The following CLCN2 variants were observed in gnomAD, a reference collection of about 807,000 sequenced individuals.
CLCN2 encodes chloride channel protein 2.
Under a neutral mutation model 108.3 loss-of-function variants are expected in CLCN2, and 72 were observed. The observed-to-expected ratio is 0.66, with a 90% CI of 0.55 to 0.81. The LOEUF is 0.81. CLCN2 is among the 30% of genes least tolerant of loss of function. The pLI is 0.00. For missense variants in CLCN2, 1,048 were observed against 1,205.2 expected, an observed-to-expected ratio of 0.87 and a Z score of 1.93; for synonymous variants, 471 against 467.1, an observed-to-expected ratio of 1.01 and a Z score of -0.11.
Position 184,353,063 on chromosome 3 carries a change from C to T in CLCN2, c.2113G>A (p.Val705Ile), listed in dbSNP as rs746595564. 1.9e-6 allele frequency: 3 copies of T among 1,614,184 alleles called. No individual in the cohort carries two copies. The Admixed American group carries it at 5.0e-5, about 27-fold the overall frequency. Residue 705 changes from valine to isoleucine, a missense_variant, in exon 18 of 24, where the codon GTC (valine) becomes ATC (isoleucine). Physicochemically the swap from Val to Ile is conservative, Grantham distance 29 (BLOSUM62 3). Transcript: ENST00000265593. ...GGACTCTCTCCGAGGTTCCTGGTGA[C>T]ACTGGGCCCCCTCTTGAGTGCAGGC... ...LKPALKRGPS[V>I]TRNLGESPTG...
At chr3:184,356,689 G>A (rs1167736224) in intron 10 of CLCN2, 9 of 431,918 alleles carry the variant, frequency 2.1e-5, no homozygotes, top group Admixed American at 1.5e-4. Context: ...GGTCATGGGG[G>A]GAACCTGAGG....
Position 184,353,139 on chromosome 3 carries a change from T to C in CLCN2, c.2037A>G (p.Thr679=). The change falls in exon 18 of 24, where the codon ACA becomes ACG. Residue 679 remains threonine (T), a synonymous_variant. Transcript: ENST00000265593. ...GGGCTGCTGGGAAGGCTGAGTCTTC[T>C]GTGTTCACCTGCATAGGCAGGAAGG... ...PEASVCFQVN[T]EDSAFPAARG... is the part of the protein sequence containing the mutation. 6.2e-7 allele frequency: 1 copy of C among 1,614,194 alleles called. No individual in the cohort carries two copies. Among genetic ancestry groups the C allele is most frequent in the Non-Finnish European group, 8.5e-7 (1 of 1,180,010 alleles).
rs1303313105 is a variant in CLCN2, at chr3:184,346,493, G to T, written c.*113C>A. 1.6e-6 allele frequency: 2 copies of T among 1,282,682 alleles called. No homozygotes were observed. The highest frequency in any genetic ancestry group is 3.6e-5 in the Admixed American group (2 of 54,856). 79.5% of individuals were successfully genotyped at this position (1,282,682 alleles called of 1,614,324 possible). On this transcript the variant is annotated 3_prime_UTR_variant, in exon 24 of 24. Transcript: ENST00000265593. This position sits in a 1 kb window ranked among gnomAD's most constrained non-coding sequence, Gnocchi z 6.0. Reference sequence around the variant, plus strand: ...CACCCCAGGTCTGGAGGGGGCTGGGGTGCAGCCTCCAGCTGTAGCTGCCTC... The same window carrying T: ...CACCCCAGGTCTGGAGGGGGCTGGGTTGCAGCCTCCAGCTGTAGCTGCCTC...
At chr3:184,360,249 G>T (rs562861351) in intron 1 of CLCN2, among the ~76,000 whole-genome samples, 2 of 152,030 alleles carry the variant, frequency 1.3e-5, no homozygotes, top group East Asian at 1.9e-4. Flanking sequence ...GATGGTGAAG[G>T]GGGGCGGGAG....
intron 13 of CLCN2, 25 bp downstream of exon 13, chr3:184,354,879 G>A (rs752861061): frequency 8.7e-6 from 14 of 1,610,338 alleles, no homozygotes; most frequent in African/African-American, 2.7e-5. Context: ...GTGCAGGCTG[G>A]GTGAGCAGGC....
rs759187822 is a variant in CLCN2 at position 184,352,509 on chromosome 3, T to TA, written c.2218-14dup. 6.2e-7 allele frequency: 1 copy of TA among 1,612,326 alleles called. No individual in the cohort carries two copies. The highest frequency in any genetic ancestry group is 1.7e-5 in the Admixed American group (1 of 59,860). ...AGGATTCCAACTTCTTCAGTTTTGT[T>TA]AGAGCCAAACCAGAAAGATGAGGAG... is the stretch of plus-strand genomic sequence containing the variant. On this transcript the variant is annotated splice_polypyrimidine_tract_variant and intron_variant, in intron 19 of 23. Coordinates refer to ENST00000265593, the MANE Select transcript of CLCN2 (RefSeq NM_004366.6).
Position 184,354,658 on chromosome 3 carries a change from C to T in CLCN2, c.1397G>A (p.Gly466Glu), listed in dbSNP as rs863225254. Residue 466 changes from glycine to glutamate, a missense_variant and splice_region_variant, in exon 14 of 24, where the codon GGA becomes GAA. Gly to Glu is a moderately conservative substitution (Grantham distance 98). Transcript: ENST00000265593. ...ACCCACCAGACGCCCAAATGCTGCT[C>T]CTTCAGGGAGGGGGGTGGGAAGAGA... is the stretch of plus-strand genomic sequence containing the variant. The part of the protein sequence containing the change: ...CGAFMPVFVI[G>E]AAFGRLVGES... The T allele has an allele frequency of 6.2e-7, 1 of 1,606,362 alleles. No homozygotes were observed. The highest frequency in any genetic ancestry group is 8.5e-7 in the Non-Finnish European group (1 of 1,177,948).
intron 22 of CLCN2, 112 bp from the exon 23 acceptor site, chr3:184,347,133 T>C (rs2108553421): frequency 2.4e-6 from 2 of 844,816 alleles, no homozygotes; most frequent in Admixed American, 1.7e-5. Flanking sequence ...GTGCCCCAGA[T>C]TGGGAGGGAA....
Position 184,352,756 on chromosome 3 carries a change from G to T in CLCN2, c.2198C>A (p.Pro733His), listed in dbSNP as rs770482761. ...ALRSLFCGSP[P>H]PEAASEKLES... ...ACTCACCTCCGAAGCAGCCTCAGGG[G>T]GTGGACTGCCACAGAAGAGGCTCCG... is the stretch of plus-strand genomic sequence containing the variant. Residue 733 changes from proline to histidine, a missense_variant, in exon 19 of 24, where the codon CCC becomes CAC. Coordinates refer to ENST00000265593, the MANE Select transcript of CLCN2 (RefSeq NM_004366.6). 1.9e-6 allele frequency: 3 copies of T among 1,613,092 alleles called. No homozygotes were observed. The highest frequency in any genetic ancestry group is 3.3e-5 in the Admixed American group (2 of 59,998).
In CLCN2 at chr3:184,358,685, G is replaced by A. The variant is rs1219593638; in HGVS notation, c.349C>T (p.Gln117Ter). 6.4e-7 allele frequency: 1 copy of A among 1,574,194 alleles called. No homozygotes were observed. Among genetic ancestry groups the A allele is most frequent in the South Asian group, 1.2e-5 (1 of 86,438 alleles). The stretch of plus-strand genomic sequence containing the variant: ...CCCTGCCAGCTGTCACCCTCACCTT[G>A]CAGACAGGCAGCAATGGCATAGTCC... ...VMDYAIAACL[Q>*]AQQWMSRGLN... Residue 117 changes from glutamine to a stop codon, truncating the protein, a stop_gained, in exon 3 of 24, where the codon CAA becomes TAA. Transcript: ENST00000265593. LOFTEE classifies it high-confidence loss of function.
intron 14 of CLCN2, 88 bp downstream of exon 14, chr3:184,354,460 G>T: frequency 7.4e-7 from 1 of 1,344,158 alleles, no homozygotes. Context: ...CCTGGTTTCT[G>T]CCAGCAGGGG....
At position 184,360,456 on chromosome 3, in the gene CLCN2, T is replaced by G. The variant is rs979501042; in HGVS notation, c.63+961A>C. 3.4e-4 allele frequency among the ~76,000 whole-genome samples: 52 copies of G among 152,004 alleles called. 1 individual carries two copies. The highest frequency in any genetic ancestry group is 6.6e-4 in the Non-Finnish European group (45 of 67,972). ...GTGTCTCCTACCCCATCCCAAGGGT[T>G]GGCCCCTCTACCCTTGCTCTACTCC... On this transcript the variant is annotated intron_variant, in intron 1 of 23. Coordinates refer to ENST00000265593, the MANE Select transcript of CLCN2 (RefSeq NM_004366.6).
rs376982670 is a variant in CLCN2, at chr3:184,361,378, C to T, written c.63+39G>A. 5.2e-5 allele frequency: 84 copies of T among 1,606,886 alleles called. No homozygotes were observed. Among genetic ancestry groups the T allele is most frequent in the Admixed American group, 1.2e-4 (7 of 60,000 alleles). ...CCCAGGGTAACCTGGAGCAGGGGTC[C>T]CGGAGCGCACTCCTGGGGCTCAGCT... On this transcript the variant is annotated intron_variant, in intron 1 of 23. Transcript: ENST00000265593. The surrounding 1 kb of genome is among the most constrained non-coding windows in gnomAD (Gnocchi z 6.6).
intron 22 of CLCN2, among the ~76,000 whole-genome samples, chr3:184,351,753 G>A (rs978923600): frequency 8.5e-5 from 13 of 152,146 alleles, no homozygotes; most frequent in Non-Finnish European, 1.3e-4. Flanking sequence ...CCCTGTCTTT[G>A]TTGCTTCGTT....
In CLCN2 at chr3:184,346,434, CAG is replaced by C; in HGVS notation, c.*170_*171del. 1.4e-6 allele frequency: 1 copy of C among 736,860 alleles called. No individual in the cohort carries two copies. Among genetic ancestry groups the C allele is most frequent in the South Asian group, 1.6e-5 (1 of 62,668 alleles). 45.6% of individuals were successfully genotyped at this position (736,860 alleles called of 1,614,324 possible). On this transcript the variant is annotated 3_prime_UTR_variant, in exon 24 of 24. Coordinates refer to ENST00000265593, the MANE Select transcript of CLCN2 (RefSeq NM_004366.6). The surrounding 1 kb of genome is among the most constrained non-coding windows in gnomAD (Gnocchi z 6.0). ...GACTTGTTGCAGGTGGGTAGTGGGTCAGATTCCAGGTAGGATGAACTGGGAGA... is the reference window on the plus strand; with the variant it reads ...GACTTGTTGCAGGTGGGTAGTGGGTCATTCCAGGTAGGATGAACTGGGAGA...
chr3:184,346,574 G>A lies in CLCN2; in HGVS notation c.*32C>T, dbSNP rs529428970. On this transcript the variant is annotated 3_prime_UTR_variant, in exon 24 of 24. Transcript: ENST00000265593. The surrounding 1 kb of genome is among the most constrained non-coding windows in gnomAD (Gnocchi z 6.0). The stretch of plus-strand genomic sequence containing the variant: ...TGCACATTCTGGGCTGACGGGCATG[G>A]CTAGCACCATCCTAGGCCACCCACG... 3.7e-6 allele frequency: 6 copies of A among 1,610,970 alleles called. No homozygotes were observed. The Admixed American group carries it at 1.0e-4, about 27-fold the overall frequency.
rs1376881762 is a variant in CLCN2 at position 184,353,691 on chromosome 3, C to T, written c.1826G>A (p.Gly609Asp). The part of the protein sequence containing the change: ...DLRLALHRTK[G>D]RMLALVESPE... ...GGACTCCACTAGGGCCAGCATTCGG[C>T]CCTTGGTCCTGTGCAGTGCCAAACG... Residue 609 changes from glycine (G) to aspartate (D), a missense_variant, in exon 16 of 24, where the codon GGC (glycine) becomes GAC (aspartate). Coordinates refer to ENST00000265593, the MANE Select transcript of CLCN2 (RefSeq NM_004366.6). 14 of 1,611,952 alleles carry T rather than the reference C, an allele frequency of 8.7e-6. No individual in the cohort carries two copies. Among genetic ancestry groups the T allele is most frequent in the African/African-American group, 1.3e-5 (1 of 74,942 alleles).
rs778891686 is a variant in CLCN2, at chr3:184,353,245, C to G, written c.2028+5G>C. 1.2e-6 allele frequency: 2 copies of G among 1,613,958 alleles called. No homozygotes were observed. Among genetic ancestry groups the G allele is most frequent in the African/African-American group, 1.3e-5 (1 of 74,928 alleles). On this transcript the variant is annotated splice_donor_5th_base_variant and intron_variant, in intron 17 of 23. Coordinates refer to ENST00000265593, the MANE Select transcript of CLCN2 (RefSeq NM_004366.6). ...TTAGGAAGCGTTTGTGGCTTTTCCC[C>G]TCACCTGGAAGCAGACAGAAGCCTC... is the stretch of plus-strand genomic sequence containing the variant.
intron 1 of CLCN2, among the ~76,000 whole-genome samples, chr3:184,359,978 G>T (rs1409313296): frequency 6.6e-6 from 1 of 151,218 alleles, no homozygotes. Context: ...CTCCTGTTGG[G>T]GCTGGGATGG....
Sources: gnomAD v4.1 joint callset for allele counts (sites outside exome capture counted in the v4.1 genomes callset) on GRCh38, gnomAD v4.1.1 for gene constraint, Gnocchi (gnomAD v3.1) non-coding constraint, MANE v1.5 for transcripts, NCBI Gene and HGNC (gene_info 2026-07-23, HGNC 2026-07-21) for gene names.